Variants in PIK3R3 observed in about 807,000 individuals in gnomAD.
The protein encoded by PIK3R3 is phosphoinositide-3-kinase regulatory subunit 3, also known as phosphatidylinositol 3-kinase regulatory subunit gamma.
A neutral mutation model predicts 62.9 loss-of-function variants in PIK3R3; 64 were observed. The observed-to-expected ratio is 1.02, with a 90% CI of 0.83 to 1.25. The LOEUF is 1.25. Among genes scored for constraint, PIK3R3 ranks in the 50% most tolerant of loss-of-function variants. The probability of loss-of-function intolerance (pLI) is 0.00; values close to 1 mark genes in which losing one functional copy is unlikely to be tolerated. For missense variants in PIK3R3, 614 were observed against 561.6 expected (o/e 1.09, Z -0.94); for synonymous variants, 165 against 189.0 (o/e 0.87, Z 1.04).
At chr1:46,174,709 C>T in the PIK3R3 span, among the ~76,000 whole-genome samples, 1 of 152,182 alleles carries the variant, frequency 6.6e-6, no homozygotes, top group Non-Finnish European at 1.5e-5. Flanking sequence ...TGAGCACACA[C>T]TCAGAAATCC....
At chr1:46,095,851 A>G (rs1652074141) in intron 1 of PIK3R3, among the ~76,000 whole-genome samples, 1 of 152,198 alleles carries the variant, frequency 6.6e-6, no homozygotes, top group African/African-American at 2.4e-5. Context: ...AATTTGGGTA[A>G]ATAGTTTCTT....
At chr1:46,047,715 C>CT (rs1245382544) in intron 7 of PIK3R3, among the ~76,000 whole-genome samples, 2 of 152,172 alleles carry the variant, frequency 1.3e-5, no homozygotes, top group Admixed American at 6.5e-5. Flanking sequence ...TACACTTTAC[C>CT]TTGTTTTATC....
chr1:46,072,263 G>A (rs558902198), intron 3 of PIK3R3, among the ~76,000 whole-genome samples: 1 of 152,210 alleles, frequency 6.6e-6, no homozygotes, highest in South Asian at 2.1e-4. Flanking sequence ...TTAACTCATT[G>A]TTAGATACCC....
the PIK3R3 span, among the ~76,000 whole-genome samples, chr1:46,138,285 T>C: frequency 5.9e-5 from 9 of 152,328 alleles, no homozygotes; most frequent in African/African-American, 1.9e-4. Context: ...TCCACAGGTC[T>C]CAAATCTAAA....
At chr1:46,058,236 G>A (rs1468907521) in intron 6 of PIK3R3, among the ~76,000 whole-genome samples, 4 of 152,236 alleles carry the variant, frequency 2.6e-5, no homozygotes, top group African/African-American at 7.2e-5. Context: ...GATTTCAGAC[G>A]TATGGAAACA....
chr1:46,127,674 T>G (rs146082649), intron 1 of PIK3R3, among the ~76,000 whole-genome samples: 1 of 152,186 alleles, frequency 6.6e-6, no homozygotes, highest in African/African-American at 2.4e-5. Flanking sequence ...CTAACCAAGA[T>G]GCTTATAGGC....
chr1:46,041,546 T>TAA lies in PIK3R3; in HGVS notation c.*2125_*2126dup. The TAA allele has an allele frequency of 5.6e-6, 1 of 178,038 alleles. No individual in the cohort carries two copies. The highest frequency in any genetic ancestry group is 1.2e-5 in the Non-Finnish European group (1 of 82,478). 11.0% of individuals were successfully genotyped at this position (178,038 alleles called of 1,614,324 possible). A position where few individuals can be genotyped will look rare whatever the true frequency, so the allele number is the denominator to read the frequency against. On this transcript the variant is annotated 3_prime_UTR_variant, in exon 10 of 10. Coordinates refer to ENST00000262741, the MANE Select transcript of PIK3R3 (RefSeq NM_003629.4). ...CTGTATCTGTATTTCCATTTTGGTT[T>TAA]AAAAGACACTCAGAACACACTGAAA...
the PIK3R3 span, among the ~76,000 whole-genome samples, chr1:46,169,953 C>G: frequency 6.6e-6 from 1 of 152,234 alleles, no homozygotes; most frequent in African/African-American, 2.4e-5. Context: ...ATCAGCCCCC[C>G]TAGGCACAAC....
At chr1:46,102,854 G>C (rs1377503599) in intron 1 of PIK3R3, among the ~76,000 whole-genome samples, 1 of 118,048 alleles carries the variant, frequency 8.5e-6, no homozygotes, top group East Asian at 2.5e-4. Flanking sequence ...GTCTCAAAGA[G>C]ACATTATAGT....
chr1:46,083,274 T>C (rs549515855), intron 1 of PIK3R3, among the ~76,000 whole-genome samples: 21 of 152,202 alleles, frequency 1.4e-4, no homozygotes, highest in Admixed American at 2.0e-4. Context: ...GACCTAAATA[T>C]CAAGACCTAA....
At chr1:46,138,629 A>C in the PIK3R3 span, among the ~76,000 whole-genome samples, 5 of 152,260 alleles carry the variant, frequency 3.3e-5, no homozygotes, top group Admixed American at 6.5e-5. Flanking sequence ...CACTGCTCCC[A>C]GCCTGGGCAC....
intron 3 of PIK3R3, among the ~76,000 whole-genome samples, chr1:46,067,997 G>T (rs965161755): frequency 1.3e-5 from 2 of 152,150 alleles, no homozygotes; most frequent in Non-Finnish European, 2.9e-5. Flanking sequence ...TCTTACAGCA[G>T]CACGCAGGCT....
At chr1:46,095,508 G>A (rs1652034596) in intron 1 of PIK3R3, among the ~76,000 whole-genome samples, 1 of 152,146 alleles carries the variant, frequency 6.6e-6, no homozygotes. Flanking sequence ...GCCTGTCGCG[G>A]GGTGGTAGGG....
chr1:46,059,036 G>T (rs116264388), intron 6 of PIK3R3, among the ~76,000 whole-genome samples: 1 of 152,166 alleles, frequency 6.6e-6, no homozygotes, highest in Non-Finnish European at 1.5e-5. Context: ...TCATGGAGGC[G>T]GTTTCCCCAC....
intron 8 of PIK3R3, 88 bp downstream of exon 8, chr1:46,046,463 G>T: frequency 1.1e-6 from 1 of 892,602 alleles, no homozygotes; most frequent in South Asian, 1.4e-5. Context: ...AAGTGACAAT[G>T]ACAACCAATA....
the PIK3R3 span, among the ~76,000 whole-genome samples, chr1:46,162,047 G>A: frequency 5.3e-5 from 8 of 149,588 alleles, no homozygotes; most frequent in Non-Finnish European, 8.9e-5. Flanking sequence ...AGCCGAGATC[G>A]CGCCACCGCA....
chr1:46,065,547 GC>G (rs1648910121), intron 5 of PIK3R3, among the ~76,000 whole-genome samples: 1 of 152,210 alleles, frequency 6.6e-6, no homozygotes, highest in South Asian at 2.1e-4. Context: ...AGCTAGGTAT[GC>G]CCATGTGACT....
chr1:46,077,683 C>A, intron 2 of PIK3R3, 70 bp from the exon 3 acceptor site: 1 of 910,312 alleles, frequency 1.1e-6, no homozygotes, highest in South Asian at 1.3e-5. Context: ...GGTGTGCCTT[C>A]TTTACATGTT....
In PIK3R3 at chr1:46,066,035, A is replaced by C; in HGVS notation, c.621+19T>G. On this transcript the variant is annotated intron_variant, in intron 5 of 9. Coordinates refer to ENST00000262741, the MANE Select transcript of PIK3R3 (RefSeq NM_003629.4). ...AAACATTGCACACATATTAGTCAAA[A>C]ACAACATAATATACCAACCTGGGAT... 6.2e-7 allele frequency: 1 copy of C among 1,603,564 alleles called. No homozygotes were observed. Among genetic ancestry groups the C allele is most frequent in the Non-Finnish European group, 8.5e-7 (1 of 1,171,242 alleles).
Sources: allele counts gnomAD v4.1 joint callset (sites outside exome capture counted in the v4.1 genomes callset), GRCh38; gene constraint gnomAD v4.1.1; transcripts MANE v1.5; gene names NCBI Gene and HGNC (gene_info 2026-07-23, HGNC 2026-07-21).